The following CHD1 variants were observed in gnomAD, a reference collection of about 807,000 sequenced individuals.
CHD1 encodes the protein ATP-dependent chromatin remodeler CHD1.
A neutral mutation model predicts 224.2 loss-of-function variants in CHD1; 36 were observed. The observed-to-expected ratio is 0.16, with a 90% CI of 0.12 to 0.21. CHD1 has a LOEUF of 0.21. CHD1 is among the 10% of genes least tolerant of loss of function. The pLI, the probability that CHD1 is intolerant of heterozygous loss-of-function variation, is 1.00. For missense variants in CHD1, 1,378 were observed against 1,994.8 expected (o/e 0.69, Z 5.89); for synonymous variants, 668 against 658.3 (o/e 1.01, Z -0.23).
intron 14 of CHD1, 122 bp from the exon 15 acceptor site, chr5:98,892,835 A>G (rs1488301404): frequency 1.8e-6 from 1 of 542,376 alleles, no homozygotes; most frequent in Non-Finnish European, 3.1e-6. Context: ...TAGAAAAAAA[A>G]ATTAGCTAAA....
intron 19 of CHD1, 76 bp from the exon 20 acceptor site, chr5:98,882,199 G>C (rs1314518778): frequency 1.6e-6 from 2 of 1,224,318 alleles, no homozygotes; most frequent in Non-Finnish European, 2.3e-6. Context: ...CTAAACACTG[G>C]CACACAAATT....
Position 98,926,547 on chromosome 5 carries a change from T to C in CHD1, c.-148-13A>G, listed in dbSNP as rs1753467060. ...TCCTTTGATTCACCTAAAGAAAATA[T>C]ATTAATAAATTAACAAAATTTCCTG... On this transcript the variant is annotated splice_polypyrimidine_tract_variant and intron_variant, in intron 1 of 35. Coordinates refer to ENST00000614616, the MANE Select transcript of CHD1 (RefSeq NM_001270.4). 4 of 410,892 alleles carry C rather than the reference T, an allele frequency of 9.7e-6. No individual in the cohort carries two copies. The highest frequency in any genetic ancestry group is 1.7e-5 in the Non-Finnish European group (4 of 236,334). 25.5% of individuals were successfully genotyped at this position (410,892 alleles called of 1,614,324 possible).
At position 98,870,818 on chromosome 5, in the gene CHD1, A is replaced by T. The variant is rs528376296; in HGVS notation, c.3862-15T>A. Reference sequence around the variant, plus strand: ...TCTGGAAGAATCTGAAAAAGCAATAAATTTTTTCAGATTGTCTTAATAAAT... The same window carrying T: ...TCTGGAAGAATCTGAAAAAGCAATATATTTTTTCAGATTGTCTTAATAAAT... On this transcript the variant is annotated splice_polypyrimidine_tract_variant and intron_variant, in intron 28 of 35. Transcript: ENST00000614616. The T allele has an allele frequency of 1.4e-5, 22 of 1,537,242 alleles. No individual in the cohort carries two copies. In the South Asian group the frequency reaches 2.4e-4, roughly 17 times the overall value.
In CHD1 at chr5:98,856,336, T is replaced by C. The variant is rs776665880; in HGVS notation, c.*44A>G. 1.2e-5 allele frequency: 18 copies of C among 1,449,698 alleles called. No homozygotes were observed. Among genetic ancestry groups the C allele is most frequent in the Non-Finnish European group, 2.9e-6 (3 of 1,039,282 alleles). 89.8% of individuals were successfully genotyped at this position (1,449,698 alleles called of 1,614,324 possible). On this transcript the variant is annotated 3_prime_UTR_variant, in exon 36 of 36. Transcript: ENST00000614616. ...GCAATTACTGTGTTGGTTTATGATA[T>C]ATGGCTAAAAGAAAAGTCCAGAAAG... is the stretch of plus-strand genomic sequence containing the variant.
chr5:98,926,379 C>T lies in CHD1; in HGVS notation c.8G>A (p.Gly3Glu). The T allele has an allele frequency of 6.7e-7, 1 of 1,495,972 alleles. No individual in the cohort carries two copies. Among genetic ancestry groups the T allele is most frequent in the Non-Finnish European group, 9.0e-7 (1 of 1,115,684 alleles). The allele number at this position is 1,495,972 out of a possible 1,614,324, so 92.7% of individuals were successfully genotyped here. A position where few individuals can be genotyped will look rare whatever the true frequency, so the allele number is the denominator to read the frequency against. Reference sequence around the variant, plus strand: ...TCTAACACTTTCTTCATCACTGTGTCCATTCATTGTAAATTATTATCAAGA... The same window carrying T: ...TCTAACACTTTCTTCATCACTGTGTTCATTCATTGTAAATTATTATCAAGA... Reference protein sequence around the residue: MNGHSDEESVRNS... With the variant: MNEHSDEESVRNS... The change falls in exon 2 of 36, where the codon GGA becomes GAA. Residue 3 changes from glycine to glutamate, a missense_variant. Gly to Glu is a moderately conservative substitution (Grantham distance 98, BLOSUM62 -2). Coordinates refer to ENST00000614616, the MANE Select transcript of CHD1 (RefSeq NM_001270.4).
At chr5:98,857,120 GT>G (rs1324887500) in intron 35 of CHD1, among the ~76,000 whole-genome samples, 1 of 152,044 alleles carries the variant, frequency 6.6e-6, no homozygotes, top group East Asian at 1.9e-4. Context: ...GCAGGAAAAA[GT>G]TTAAAAATGC....
At chr5:98,899,964 A>G (rs1271037833) in intron 7 of CHD1, among the ~76,000 whole-genome samples, 1 of 152,154 alleles carries the variant, frequency 6.6e-6, no homozygotes, top group Non-Finnish European at 1.5e-5. Flanking sequence ...GCATTATTCT[A>G]TAATTATCCA....
chr5:98,906,260 G>A (rs1330654022), intron 2 of CHD1, among the ~76,000 whole-genome samples: 1 of 152,136 alleles, frequency 6.6e-6, no homozygotes, highest in Admixed American at 6.5e-5. Flanking sequence ...CATAGAAACA[G>A]TAAATTAAAA....
At position 98,872,485 on chromosome 5, in the gene CHD1, G is replaced by T. The variant is rs757670971; in HGVS notation, c.3642C>A (p.Val1214=). The part of the protein sequence containing the change: ...ISGVQVNAKL[V]ISHEEELIPL... ...GTATTAATTCTTCTTCATGGGAGAT[G>T]ACTAGTTTGGCATTCACCTGTACTC... Residue 1214 remains valine (V), a synonymous_variant, in exon 27 of 36, where the codon GTC becomes GTA. Coordinates refer to ENST00000614616, the MANE Select transcript of CHD1 (RefSeq NM_001270.4). 1.9e-6 allele frequency: 3 copies of T among 1,612,880 alleles called. No individual in the cohort carries two copies. The Admixed American group carries it at 5.0e-5, about 27-fold the overall frequency.
rs556587758 is a variant in CHD1, at chr5:98,885,323, C to G, written c.2568+255G>C. Among the ~76,000 whole-genome samples the G allele has an allele frequency of 9.2e-5, 14 of 152,192 alleles. No homozygotes were observed. In the East Asian group the frequency reaches 2.7e-3, roughly 30 times the overall value. ...AGGAGAATAGCTTGAACCTGGGAGGCAGAGGTTGCAGTGAGTTGAGATTGT... is the reference window on the plus strand; with the variant it reads ...AGGAGAATAGCTTGAACCTGGGAGGGAGAGGTTGCAGTGAGTTGAGATTGT... On this transcript the variant is annotated intron_variant, in intron 18 of 35. Transcript: ENST00000614616.
chr5:98,919,794 A>T (rs975081357), intron 2 of CHD1, among the ~76,000 whole-genome samples: 5 of 152,348 alleles, frequency 3.3e-5, no homozygotes, highest in Middle Eastern at 3.4e-3. Flanking sequence ...GGTATACATA[A>T]TATATCTACA....
intron 2 of CHD1, among the ~76,000 whole-genome samples, chr5:98,911,034 A>G (rs918470394): frequency 2.7e-5 from 4 of 150,854 alleles, no homozygotes; most frequent in Admixed American, 2.6e-4. Context: ...ACTACTGCAC[A>G]CTTAAATAAA....
intron 2 of CHD1, among the ~76,000 whole-genome samples, chr5:98,918,350 G>A (rs1168516951): frequency 1.3e-5 from 2 of 151,368 alleles, no homozygotes; most frequent in Admixed American, 6.6e-5. Flanking sequence ...GTGAGCCACC[G>A]CGCCTGGCCA....
rs779730332 is a variant in CHD1 at position 98,898,451 on chromosome 5, C to T, written c.1187-17G>A. The T allele has an allele frequency of 1.2e-5, 18 of 1,524,948 alleles. No individual in the cohort carries two copies. The highest frequency in any genetic ancestry group is 2.3e-5 in the East Asian group (1 of 42,864). 94.5% of individuals were successfully genotyped at this position (1,524,948 alleles called of 1,614,324 possible). On this transcript the variant is annotated splice_polypyrimidine_tract_variant and intron_variant, in intron 9 of 35. Coordinates refer to ENST00000614616, the MANE Select transcript of CHD1 (RefSeq NM_001270.4). ...TGGAATGAGCTGTGAGAGAATCAGG[C>T]ATTTACTTATTTATTTATTTTTTTT...
chr5:98,877,266 T>G (rs1375739106), intron 23 of CHD1, among the ~76,000 whole-genome samples: 1 of 152,256 alleles, frequency 6.6e-6, no homozygotes, highest in African/African-American at 2.4e-5. Flanking sequence ...AATGGGGTTG[T>G]AGAATAATTA....
At chr5:98,911,998 G>A (rs1370163483) in intron 2 of CHD1, among the ~76,000 whole-genome samples, 2 of 151,978 alleles carry the variant, frequency 1.3e-5, no homozygotes, top group African/African-American at 4.8e-5. Context: ...TAGGCCTTGA[G>A]TAAAAGAATA....
At chr5:98,896,083 TG>T in intron 12 of CHD1, 142 bp downstream of exon 12, 1 of 649,332 alleles carries the variant, frequency 1.5e-6, no homozygotes, top group Non-Finnish European at 2.7e-6. Context: ...CGTGCTCCTG[TG>T]GTCCCAGTTG....
At chr5:98,884,464 T>A (rs924082831) in intron 18 of CHD1, among the ~76,000 whole-genome samples, 1 of 151,938 alleles carries the variant, frequency 6.6e-6, no homozygotes, top group Admixed American at 6.6e-5. Flanking sequence ...GCTATGAGGA[T>A]GCAAAGTAAT....
intron 18 of CHD1, chr5:98,883,719 TCAA>T (rs1750369226): frequency 1.3e-5 from 2 of 159,622 alleles, no homozygotes; most frequent in South Asian, 3.8e-4. Flanking sequence ...CGCCCATCAA[TCAA>T]CAAGAAGATA....
Sources: gnomAD v4.1 joint callset for allele counts (sites outside exome capture counted in the v4.1 genomes callset) on GRCh38, gnomAD v4.1.1 for gene constraint, MANE v1.5 for transcripts, NCBI Gene and HGNC (gene_info 2026-07-23, HGNC 2026-07-21) for gene names.